The following PCDH7 variants were observed in gnomAD, a reference collection of about 807,000 sequenced individuals.
PCDH7 encodes protocadherin-7.
In PCDH7, 17 loss-of-function variants were observed where a neutral mutation model predicts 58.9. That is an observed-to-expected ratio of 0.29 (90% CI 0.20 to 0.43). PCDH7 has a LOEUF of 0.43. Ranked by LOEUF, PCDH7 falls within the 20% of genes least tolerant of loss-of-function variation. PCDH7 has a pLI of 1.00. For synonymous variants in PCDH7, 664 were observed against 616.4 expected (o/e 1.08, Z -1.14); for missense variants, 1,274 against 1,441.0 (o/e 0.88, Z 1.88).
intron 3 of PCDH7, among the ~76,000 whole-genome samples, chr4:30,958,026 A>G (rs1169738211): frequency 6.6e-6 from 1 of 152,134 alleles, no homozygotes; most frequent in Non-Finnish European, 1.5e-5. Context: ...AATATCTGCT[A>G]AACTGTGATA....
At chr4:30,826,757 G>A (rs539061181) in intron 1 of PCDH7, among the ~76,000 whole-genome samples, 8 of 152,078 alleles carry the variant, frequency 5.3e-5, no homozygotes, top group South Asian at 2.1e-4. Flanking sequence ...ACAGGGTCTC[G>A]TTTTGTCACC....
chr4:30,976,120 T>G (rs1227907076), intron 3 of PCDH7, among the ~76,000 whole-genome samples: 1 of 152,226 alleles, frequency 6.6e-6, no homozygotes, highest in African/African-American at 2.4e-5. Context: ...GGAGGTTTTA[T>G]ATCTACTTTC....
At position 30,722,804 on chromosome 4, in the gene PCDH7, C is replaced by A. The variant is rs1713897532; in HGVS notation, c.1382C>A (p.Thr461Asn). ...GGCGAGAACGGGGTGGTCACCTGCACCGTGGTGGGCGACGTGCCCTTCCAG... is the reference window on the plus strand; with the variant it reads ...GGCGAGAACGGGGTGGTCACCTGCAACGTGGTGGGCGACGTGCCCTTCCAG... Residue 461 changes from threonine (T) to asparagine (N), a missense_variant, in exon 1 of 2, where the codon ACC becomes AAC. Transcript: ENST00000361762. This position sits in a 1 kb window ranked among gnomAD's most constrained non-coding sequence, Gnocchi z 7.6. 8 of 1,613,688 alleles carry A rather than the reference C, an allele frequency of 5.0e-6. No homozygotes were observed. The highest frequency in any genetic ancestry group is 5.1e-6 in the Non-Finnish European group (6 of 1,180,038).
chr4:30,802,315 A>C (rs1046165910), intron 1 of PCDH7, among the ~76,000 whole-genome samples: 2 of 151,996 alleles, frequency 1.3e-5, no homozygotes, highest in Non-Finnish European at 2.9e-5. Context: ...ATAATACATC[A>C]AGTTTTATGG....
At chr4:31,105,068 A>G (rs751475524) in intron 3 of PCDH7, among the ~76,000 whole-genome samples, 18 of 152,196 alleles carry the variant, frequency 1.2e-4, no homozygotes, top group Non-Finnish European at 2.2e-4. Flanking sequence ...GATGGCGCCT[A>G]CCTTCATATG....
chr4:31,078,608 G>T (rs907705085), intron 3 of PCDH7, among the ~76,000 whole-genome samples: 1 of 144,630 alleles, frequency 6.9e-6, no homozygotes, highest in African/African-American at 2.6e-5. Context: ...GGGATCATAG[G>T]CAAGAACCAC....
chr4:30,736,868 C>T (rs1260032942), downstream of PCDH7, among the ~76,000 whole-genome samples: 1 of 152,140 alleles, frequency 6.6e-6, no homozygotes, highest in African/African-American at 2.4e-5. Context: ...GTTTTGCATG[C>T]CGCATTCTCA....
intron 3 of PCDH7, among the ~76,000 whole-genome samples, chr4:31,103,301 T>C (rs1376199393): frequency 1.3e-5 from 2 of 152,070 alleles, no homozygotes; most frequent in Non-Finnish European, 2.9e-5. Flanking sequence ...ACAAGGCATA[T>C]AATTTTTTGG....
At chr4:30,852,703 A>G (rs1316400122) in intron 1 of PCDH7, among the ~76,000 whole-genome samples, 1 of 151,818 alleles carries the variant, frequency 6.6e-6, no homozygotes, top group Non-Finnish European at 1.5e-5. Flanking sequence ...CCAAATTTCA[A>G]TACTTTCCTG....
At chr4:31,097,629 T>A (rs1211123955) in intron 3 of PCDH7, among the ~76,000 whole-genome samples, 4 of 41,392 alleles carry the variant, frequency 9.7e-5, no homozygotes, top group African/African-American at 4.5e-4. Context: ...TATATATATA[T>A]ATATATATAA....
chr4:30,746,514 T>C (rs938221262), intron 1 of PCDH7, among the ~76,000 whole-genome samples: 4 of 152,204 alleles, frequency 2.6e-5, no homozygotes, highest in African/African-American at 9.6e-5. Flanking sequence ...TAGTGTTTTA[T>C]GCTGCCAACT....
intron 3 of PCDH7, among the ~76,000 whole-genome samples, chr4:31,133,717 G>A (rs1305725951): frequency 2.0e-5 from 3 of 152,174 alleles, no homozygotes; most frequent in African/African-American, 7.2e-5. Context: ...TTTTTCTGCT[G>A]TAGTGCAGTT....
intron 1 of PCDH7, among the ~76,000 whole-genome samples, chr4:30,804,908 A>C (rs569220216): frequency 7.9e-5 from 12 of 152,300 alleles, no homozygotes; most frequent in African/African-American, 2.9e-4. Flanking sequence ...TCTATTAGTC[A>C]CATCTTAAGG....
At chr4:31,080,959 G>T (rs1759451646) in intron 3 of PCDH7, among the ~76,000 whole-genome samples, 1 of 152,132 alleles carries the variant, frequency 6.6e-6, no homozygotes, top group Admixed American at 6.5e-5. Flanking sequence ...ATTCTCTCTT[G>T]TCTGTCGCCA....
chr4:31,113,801 A>G (rs1420970937), intron 3 of PCDH7, among the ~76,000 whole-genome samples: 2 of 147,394 alleles, frequency 1.4e-5, no homozygotes, highest in Non-Finnish European at 3.0e-5. Context: ...TAATTTAGTT[A>G]TAGTTTTTGA....
chr4:30,833,446 C>T (rs1381911451), intron 1 of PCDH7, among the ~76,000 whole-genome samples: 1 of 152,150 alleles, frequency 6.6e-6, no homozygotes, highest in Admixed American at 6.6e-5. Flanking sequence ...CTTCCGCCTT[C>T]TGCTTCCACA....
intron 3 of PCDH7, among the ~76,000 whole-genome samples, chr4:31,022,488 G>T (rs1411170805): frequency 1.3e-5 from 2 of 152,132 alleles, no homozygotes; most frequent in African/African-American, 2.4e-5. Flanking sequence ...AATACTTTAA[G>T]AATAATGCAT....
At chr4:31,024,683 G>A (rs1367450656) in intron 3 of PCDH7, among the ~76,000 whole-genome samples, 1 of 152,094 alleles carries the variant, frequency 6.6e-6, no homozygotes, top group Non-Finnish European at 1.5e-5. Context: ...GAGAAACAAT[G>A]TGTGATTTTA....
At chr4:30,822,667 TG>T (rs1728525645) in intron 1 of PCDH7, among the ~76,000 whole-genome samples, 1 of 152,164 alleles carries the variant, frequency 6.6e-6, no homozygotes, top group Non-Finnish European at 1.5e-5. Flanking sequence ...TTTTAAACAC[TG>T]GTGCTTCTTG....
Sources: allele counts gnomAD v4.1 joint callset (sites outside exome capture counted in the v4.1 genomes callset), GRCh38; gene constraint gnomAD v4.1.1; non-coding constraint Gnocchi (gnomAD v3.1); transcripts MANE v1.5; gene names NCBI Gene and HGNC (gene_info 2026-07-23, HGNC 2026-07-21).